Variants in STK39 observed in about 807,000 individuals in gnomAD.
STK39 encodes STE20/SPS1-related proline-alanine-rich protein kinase.
A neutral mutation model predicts 77.8 loss-of-function variants in STK39; 20 were observed. The observed-to-expected ratio is 0.26, with a 90% CI of 0.18 to 0.37. The LOEUF is 0.37. Ranked by LOEUF, STK39 falls within the 10% of genes least tolerant of loss-of-function variation. The pLI is 1.00. For missense variants in STK39, 479 were observed against 656.5 expected (o/e 0.73, Z 2.95); for synonymous variants, 246 against 234.1 (o/e 1.05, Z -0.47).
chr2:168,193,762 G>A (rs1462362807), intron 1 of STK39, among the ~76,000 whole-genome samples: 1 of 152,226 alleles, frequency 6.6e-6, no homozygotes, highest in Non-Finnish European at 1.5e-5. Flanking sequence ...CTGTGAAAAC[G>A]TTGCTGCTTA....
At chr2:168,062,925 A>G (rs1342876540) in intron 14 of STK39, among the ~76,000 whole-genome samples, 1 of 152,216 alleles carries the variant, frequency 6.6e-6, no homozygotes. Context: ...AATAATTAAA[A>G]AAAAAATCCT....
At chr2:168,008,516 T>C (rs1315566510) in intron 16 of STK39, among the ~76,000 whole-genome samples, 1 of 152,146 alleles carries the variant, frequency 6.6e-6, no homozygotes, top group African/African-American at 2.4e-5. Context: ...TGGATGTCTA[T>C]TACATTTCCA....
At chr2:168,101,286 C>G (rs1000002797) in intron 10 of STK39, among the ~76,000 whole-genome samples, 1 of 152,094 alleles carries the variant, frequency 6.6e-6, no homozygotes, top group Non-Finnish European at 1.5e-5. Flanking sequence ...AGCAAACCAC[C>G]ATGGCACATG....
chr2:167,959,632 G>A (rs761675205), intron 17 of STK39, among the ~76,000 whole-genome samples: 7 of 152,258 alleles, frequency 4.6e-5, no homozygotes, highest in African/African-American at 1.2e-4. Context: ...ATGTACACCC[G>A]TATAATGAAG....
intron 15 of STK39, among the ~76,000 whole-genome samples, chr2:168,013,816 GTGTGTGTGTGTGTGTGTGTA>G (rs765543249): frequency 9.1e-4 from 58 of 63,718 alleles, no homozygotes; most frequent in Middle Eastern, 7.0e-3. Context: ...GTGTGTGTGT[GTGTGTGTGTGTGTGTGTGTA>G]TGTGTTTGCA....
At chr2:167,973,230 T>G (rs1215481673) in intron 16 of STK39, among the ~76,000 whole-genome samples, 1 of 151,882 alleles carries the variant, frequency 6.6e-6, no homozygotes, top group African/African-American at 2.4e-5. Context: ...TTAAAGATTA[T>G]TGGTAAAATA....
At chr2:168,042,052 A>G (rs1413782679) in intron 14 of STK39, among the ~76,000 whole-genome samples, 1 of 152,216 alleles carries the variant, frequency 6.6e-6, no homozygotes, top group Non-Finnish European at 1.5e-5. Context: ...AGGAGGACTA[A>G]ATAGACAACT....
chr2:168,025,419 A>G (rs752570796), intron 14 of STK39, among the ~76,000 whole-genome samples: 3 of 152,174 alleles, frequency 2.0e-5, no homozygotes, highest in Non-Finnish European at 2.9e-5. Context: ...TGTAGGTTAT[A>G]CCTCTGTAAG....
At chr2:168,109,475 C>T (rs777965216) in intron 10 of STK39, among the ~76,000 whole-genome samples, 1 of 152,172 alleles carries the variant, frequency 6.6e-6, no homozygotes, top group Non-Finnish European at 1.5e-5. Context: ...ACTCATTCTC[C>T]TCTGGGCTAT....
intron 16 of STK39, among the ~76,000 whole-genome samples, chr2:168,005,639 C>G (rs995789514): frequency 6.6e-6 from 1 of 152,066 alleles, no homozygotes; most frequent in African/African-American, 2.4e-5. Flanking sequence ...CCTAAAGATG[C>G]CTTCAGCCTC....
chr2:168,104,212 G>A (rs1387010281), intron 10 of STK39, among the ~76,000 whole-genome samples: 1 of 152,098 alleles, frequency 6.6e-6, no homozygotes, highest in African/African-American at 2.4e-5. Context: ...CAGTATTTGA[G>A]GGAAGGTTTA....
intron 2 of STK39, among the ~76,000 whole-genome samples, chr2:168,179,580 C>T (rs947332436): frequency 1.3e-5 from 2 of 152,158 alleles, no homozygotes; most frequent in Non-Finnish European, 2.9e-5. Flanking sequence ...TATTGCAACA[C>T]GGGCATTAAG....
intron 16 of STK39, among the ~76,000 whole-genome samples, chr2:167,998,219 C>T (rs1342146206): frequency 2.6e-5 from 4 of 152,222 alleles, no homozygotes; most frequent in African/African-American, 9.6e-5. Context: ...GCCCTCTATC[C>T]GGTTCACCCG....
intron 16 of STK39, among the ~76,000 whole-genome samples, chr2:167,982,994 G>C (rs1409064601): frequency 6.6e-6 from 1 of 152,172 alleles, no homozygotes; most frequent in African/African-American, 2.4e-5. Flanking sequence ...GCTCACTGCT[G>C]TACACCCAAT....
At chr2:168,221,732 C>T (rs1690175894) in intron 1 of STK39, among the ~76,000 whole-genome samples, 1 of 152,134 alleles carries the variant, frequency 6.6e-6, no homozygotes, top group African/African-American at 2.4e-5. Context: ...CCAAGTTCCT[C>T]AAGGTCAGAC....
intron 5 of STK39, among the ~76,000 whole-genome samples, chr2:168,147,122 T>A (rs540753718): frequency 6.6e-5 from 10 of 152,214 alleles, no homozygotes; most frequent in Non-Finnish European, 1.3e-4. Context: ...CTTCTCTGAG[T>A]AAAGATCAAG....
chr2:168,233,164 G>A (rs754000189), intron 1 of STK39, among the ~76,000 whole-genome samples: 2 of 152,110 alleles, frequency 1.3e-5, no homozygotes, highest in Non-Finnish European at 2.9e-5. Flanking sequence ...AAACTACACA[G>A]AAACACTTTT....
At position 168,039,545 on chromosome 2, in the gene STK39, T is replaced by C. The variant is rs1343068360; in HGVS notation, c.1377-22450A>G. Among the ~76,000 whole-genome samples, 4 of 19,842 alleles carry C rather than the reference T, an allele frequency of 2.0e-4. 2 individuals carry two copies. The highest frequency in any genetic ancestry group is 7.5e-4 in the Non-Finnish European group (4 of 5,328). The allele number at this position is 19,842 out of a possible 152,430, so 13.0% of individuals were successfully genotyped here. ...AAGCGGAGCTTGCAGTGAGCCGAGA[T>C]TGCGCCACTGCAGTCCGCAGTCCGA... On this transcript the variant is annotated intron_variant, in intron 14 of 17. Coordinates refer to ENST00000355999, the MANE Select transcript of STK39 (RefSeq NM_013233.3).
intron 10 of STK39, among the ~76,000 whole-genome samples, chr2:168,105,976 C>T (rs6720684): frequency 0.72 from 109,759 of 152,124 alleles, 40,152 homozygotes; most frequent in Non-Finnish European, 0.79. Flanking sequence ...CCTACATATA[C>T]ATTTTGAAAC....
Sources: gnomAD v4.1 joint callset for allele counts (sites outside exome capture counted in the v4.1 genomes callset) on GRCh38, gnomAD v4.1.1 for gene constraint, MANE v1.5 for transcripts, NCBI Gene and HGNC (gene_info 2026-07-23, HGNC 2026-07-21) for gene names.